Variants in TRRAP observed in about 807,000 individuals in gnomAD.
The protein encoded by TRRAP is transformation/transcription domain-associated protein.
TRRAP carries 41 observed loss-of-function variants against 438.8 expected under a neutral mutation model. That is an observed-to-expected ratio of 0.09 (90% CI 0.07 to 0.12). TRRAP has a LOEUF of 0.12. Among genes scored for constraint, TRRAP ranks in the 10% least tolerant of loss-of-function variants. The pLI, the probability that TRRAP is intolerant of heterozygous loss-of-function variation, is 1.00. For missense variants in TRRAP, 3,122 were observed against 5,055.1 expected, an observed-to-expected ratio of 0.62 and a Z score of 11.60; for synonymous variants, 1,994 against 1,962.9, an observed-to-expected ratio of 1.02 and a Z score of -0.42.
chr7:98,917,879 T>C (rs1265780036), intron 20 of TRRAP, among the ~76,000 whole-genome samples, 200 bp downstream of exon 20: 5 of 152,056 alleles, frequency 3.3e-5, no homozygotes, highest in Non-Finnish European at 7.4e-5. Flanking sequence ...CCCAGCACTT[T>C]GGGAGGCCGA....
At position 98,951,093 on chromosome 7, in the gene TRRAP, G is replaced by GTGTGTGTGTGTT. The variant is rs1791317731; in HGVS notation, c.5463+90_5463+91insGTGTGTGTGTTT. ...TGTGTGTGTGTGTGTGTGTGTGTGT[G>GTGTGTGTGTGTT]TTAAGGGGGTTCATTGAAATAAGTT... On this transcript the variant is annotated intron_variant, in intron 39 of 72. Transcript: ENST00000456197. 2.3e-6 allele frequency: 3 copies of GTGTGTGTGTGTT among 1,294,220 alleles called. No individual in the cohort carries two copies. The Admixed American group carries it at 9.0e-5, about 39-fold the overall frequency. The allele number at this position is 1,294,220 out of a possible 1,614,324, so 80.2% of individuals were successfully genotyped here.
At chr7:98,894,215 C>G (rs1435947224) in intron 6 of TRRAP, among the ~76,000 whole-genome samples, 1 of 152,176 alleles carries the variant, frequency 6.6e-6, no homozygotes, top group Non-Finnish European at 1.5e-5. Context: ...GGGTTTGAAT[C>G]TCACCTCTGC....
At position 98,963,230 on chromosome 7, in the gene TRRAP, C is replaced by G. The variant is rs150212672; in HGVS notation, c.6829+803C>G. On this transcript the variant is annotated intron_variant, in intron 47 of 72. Coordinates refer to ENST00000456197, the MANE Select transcript of TRRAP (RefSeq NM_001375524.1). ...TTGGATGAGTTCCTTGCTCTCCAAA[C>G]TTGCCAGGAGCTAGGAGAATTTGGT... Among the ~76,000 whole-genome samples, 235 of 152,316 alleles carry G rather than the reference C, an allele frequency of 1.5e-3. 1 individual carries two copies. The highest frequency in any genetic ancestry group is 5.4e-3 in the African/African-American group (225 of 41,582).
intron 12 of TRRAP, among the ~76,000 whole-genome samples, chr7:98,904,750 A>G (rs777055094): frequency 3.5e-4 from 53 of 152,134 alleles, no homozygotes; most frequent in Non-Finnish European, 5.6e-4. Flanking sequence ...ATATTATAGG[A>G]TGCTTTATTT....
intron 19 of TRRAP, 116 bp from the exon 20 acceptor site, chr7:98,917,307 C>T (rs1418394963): frequency 4.9e-6 from 7 of 1,416,578 alleles, no homozygotes; most frequent in Non-Finnish European, 5.8e-6. Context: ...ACAGAGGTCT[C>T]CCTGCAGTTG....
Position 98,976,301 on chromosome 7 carries a change from A to T in TRRAP, c.7959+33A>T. The T allele has an allele frequency of 6.2e-7, 1 of 1,611,002 alleles. No homozygotes were observed. Among genetic ancestry groups the T allele is most frequent in the African/African-American group, 1.3e-5 (1 of 74,930 alleles). ...TATCTTTAAAATCCTGTTTTGGAAAATTGTAGTTTTAGCTTTTGGTAAGTA... is the reference window on the plus strand; with the variant it reads ...TATCTTTAAAATCCTGTTTTGGAAATTTGTAGTTTTAGCTTTTGGTAAGTA... On this transcript the variant is annotated intron_variant, in intron 54 of 72. Transcript: ENST00000456197. This position sits in a 1 kb window ranked among gnomAD's most constrained non-coding sequence, Gnocchi z 4.6.
rs2116485300 is a variant in TRRAP at position 98,925,176 on chromosome 7, C to T, written c.2888C>T (p.Ala963Val). The change falls in exon 22 of 73, where the codon GCG becomes GTG. Residue 963 changes from alanine to valine, a missense_variant. Transcript: ENST00000456197. ...ACTGAGCCCTACTACCGGAGGCAGGCGTGGGAAGTGATCAAATGCTTCCTG... is the reference window on the plus strand; with the variant it reads ...ACTGAGCCCTACTACCGGAGGCAGGTGTGGGAAGTGATCAAATGCTTCCTG... The part of the protein sequence containing the change: ...ANTEPYYRRQ[A>V]WEVIKCFLVA... The T allele has an allele frequency of 6.2e-7, 1 of 1,614,128 alleles. No individual in the cohort carries two copies. Among genetic ancestry groups the T allele is most frequent in the Non-Finnish European group, 8.5e-7 (1 of 1,180,028 alleles).
intron 30 of TRRAP, among the ~76,000 whole-genome samples, chr7:98,938,913 T>G (rs890492503): frequency 2.6e-5 from 4 of 152,262 alleles, no homozygotes; most frequent in Non-Finnish European, 5.9e-5. Context: ...AATAGATAAG[T>G]GTGCCTTCTT....
chr7:98,888,048 G>A (rs1015019744), intron 3 of TRRAP, among the ~76,000 whole-genome samples: 5 of 152,002 alleles, frequency 3.3e-5, no homozygotes, highest in African/African-American at 1.2e-4. Context: ...GGCTAACACG[G>A]TGAAACCCCG....
chr7:98,998,758 C>G (rs773014782), intron 67 of TRRAP: 4 of 219,042 alleles, frequency 1.8e-5, no homozygotes, highest in Non-Finnish European at 2.8e-5. Context: ...CTCTTCTAGC[C>G]ACTCCTTTCT....
Position 98,978,762 on chromosome 7 carries a change from C to T in TRRAP, c.8499-7C>T. 6.2e-7 allele frequency: 1 copy of T among 1,614,160 alleles called. No individual in the cohort carries two copies. The highest frequency in any genetic ancestry group is 8.5e-7 in the Non-Finnish European group (1 of 1,180,040). ...GAGCTTTTGCTCTGGGATCTGTGGT[C>T]TTCTAGATGCTCCAAGGAATTGAAC... On this transcript the variant is annotated splice_polypyrimidine_tract_variant and splice_region_variant and intron_variant, in intron 57 of 72. Coordinates refer to ENST00000456197, the MANE Select transcript of TRRAP (RefSeq NM_001375524.1).
rs1454981613 is a variant in TRRAP, at chr7:99,005,871, TCTC to T, written c.10753+528_10753+530del. Among the ~76,000 whole-genome samples the T allele has an allele frequency of 4.6e-5, 7 of 151,706 alleles. No homozygotes were observed. In the East Asian group the frequency reaches 7.8e-4, roughly 17 times the overall value. On this transcript the variant is annotated intron_variant, in intron 69 of 72. Coordinates refer to ENST00000456197, the MANE Select transcript of TRRAP (RefSeq NM_001375524.1). This position sits in a 1 kb window ranked among gnomAD's most constrained non-coding sequence, Gnocchi z 5.1. ...CTCAGTGGGTGCTGCCGGTTTTGCTTCTCCTCCCGGGAACCCAGGCTGCTGGGA... is the reference window on the plus strand; with the variant it reads ...CTCAGTGGGTGCTGCCGGTTTTGCTTCTCCCGGGAACCCAGGCTGCTGGGA...
Position 99,008,529 on chromosome 7 carries a change from G to T in TRRAP, c.10906G>T (p.Val3636Leu). 1 of 1,613,940 alleles carries T rather than the reference G, an allele frequency of 6.2e-7. No homozygotes were observed. Among genetic ancestry groups the T allele is most frequent in the Non-Finnish European group, 8.5e-7 (1 of 1,180,038 alleles). The change falls in exon 70 of 73, where the codon GTG becomes TTG. Residue 3636 changes from valine (V) to leucine (L), a missense_variant. By Grantham distance (32) the Val-to-Leu change is conservative (BLOSUM62 1). Transcript: ENST00000456197. ...ISRYYDRLATVQARGTQASHQ... is the reference protein window; with the variant it reads ...ISRYYDRLATLQARGTQASHQ... ...CCGTTACTATGACCGGCTGGCTACG[G>T]TGCAGGCGCGGGGAACCCAAGCCAG...
intron 4 of TRRAP, 34 bp from the exon 5 acceptor site, chr7:98,892,390 T>C: frequency 6.5e-7 from 1 of 1,548,566 alleles, no homozygotes; most frequent in African/African-American, 1.4e-5. Flanking sequence ...TGGAAGTATT[T>C]TTATCCTTAC....
At position 99,005,630 on chromosome 7, in the gene TRRAP, G is replaced by A. The variant is rs1794127113; in HGVS notation, c.10753+282G>A. Among the ~76,000 whole-genome samples, 1 of 152,176 alleles carries A rather than the reference G, an allele frequency of 6.6e-6. No individual in the cohort carries two copies. Among genetic ancestry groups the A allele is most frequent in the Non-Finnish European group, 1.5e-5 (1 of 68,032 alleles). ...CATGGGGCCCACGATGCCTTTGAATGTGGTTCGACACAAATTCGTCAACTT... is the reference window on the plus strand; with the variant it reads ...CATGGGGCCCACGATGCCTTTGAATATGGTTCGACACAAATTCGTCAACTT... On this transcript the variant is annotated intron_variant, in intron 69 of 72. Transcript: ENST00000456197. The surrounding 1 kb of genome is among the most constrained non-coding windows in gnomAD (Gnocchi z 5.1).
rs760210934 is a variant in TRRAP at position 99,011,021 on chromosome 7, G to A, written c.10939-31G>A. The A allele has an allele frequency of 9.4e-6, 15 of 1,592,984 alleles. No individual in the cohort carries two copies. In the South Asian group the frequency reaches 1.7e-4, roughly 18 times the overall value. On this transcript the variant is annotated intron_variant, in intron 70 of 72. Transcript: ENST00000456197. This position sits in a 1 kb window ranked among gnomAD's most constrained non-coding sequence, Gnocchi z 7.1. ...TTTTCCAAAAAAAATCAGTGAGTGAGATGGGAGTGTCACGGAGCGCTGTGT... is the reference window on the plus strand; with the variant it reads ...TTTTCCAAAAAAAATCAGTGAGTGAAATGGGAGTGTCACGGAGCGCTGTGT...
rs1791633017 is a variant in TRRAP at position 98,956,649 on chromosome 7, G to C, written c.6231+116G>C. 1 of 1,478,802 alleles carries C rather than the reference G, an allele frequency of 6.8e-7. No homozygotes were observed. The highest frequency in any genetic ancestry group is 1.4e-5 in the South Asian group (1 of 73,268). The allele number at this position is 1,478,802 out of a possible 1,614,324, so 91.6% of individuals were successfully genotyped here. ...AGCTGCATTCAGGAGAGGAAGCTGG[G>C]AACAGCCACGGTCACCAGATTGAAA... is the stretch of plus-strand genomic sequence containing the variant. On this transcript the variant is annotated intron_variant, in intron 43 of 72. Coordinates refer to ENST00000456197, the MANE Select transcript of TRRAP (RefSeq NM_001375524.1). This position sits in a 1 kb window ranked among gnomAD's most constrained non-coding sequence, Gnocchi z 4.5.
rs1019437581 is a variant in TRRAP at position 98,912,547 on chromosome 7, G to T, written c.2199+334G>T. Among the ~76,000 whole-genome samples, 46 of 152,180 alleles carry T rather than the reference G, an allele frequency of 3.0e-4. 1 individual carries two copies. The highest frequency in any genetic ancestry group is 1.1e-3 in the African/African-American group (44 of 41,518). Reference sequence around the variant, plus strand: ...AAGCAGTAACTAATTTGTCTATCTAGTAACTTAAAATGAAAAATCCAGAAC... The same window carrying T: ...AAGCAGTAACTAATTTGTCTATCTATTAACTTAAAATGAAAAATCCAGAAC... On this transcript the variant is annotated intron_variant, in intron 18 of 72. Transcript: ENST00000456197.
rs61132070 is a variant in TRRAP at position 98,997,483 on chromosome 7, C to CAAAAAAAAAAAAAAAAA, written c.10309+2648_10309+2664dup. On this transcript the variant is annotated intron_variant, in intron 67 of 72. Transcript: ENST00000456197. ...ATTATCACCCAAAACACTGCTGTTG[C>CAAAAAAAAAAAAAAAAA]AAAAAAAAAAAAAAAAAAAAAAAAA... is the stretch of plus-strand genomic sequence containing the variant. Among the ~76,000 whole-genome samples the CAAAAAAAAAAAAAAAAA allele has an allele frequency of 3.1e-4, 13 of 42,622 alleles. 2 individuals are homozygous for CAAAAAAAAAAAAAAAAA. Among genetic ancestry groups the CAAAAAAAAAAAAAAAAA allele is most frequent in the Admixed American group, 6.9e-4 (2 of 2,896 alleles). The allele number at this position is 42,622 out of a possible 152,430, so 28.0% of individuals were successfully genotyped here.
Sources: allele counts gnomAD v4.1 joint callset (sites outside exome capture counted in the v4.1 genomes callset), GRCh38; gene constraint gnomAD v4.1.1; non-coding constraint Gnocchi (gnomAD v3.1); transcripts MANE v1.5; gene names NCBI Gene and HGNC (gene_info 2026-07-23, HGNC 2026-07-21).